Variants in DPP6 observed in about 807,000 individuals in gnomAD.
DPP6 encodes the protein dipeptidyl peptidase like 6.
DPP6 carries 69 observed loss-of-function variants against 122.6 expected under a neutral mutation model. That is an observed-to-expected ratio of 0.56 (90% CI 0.46 to 0.69). DPP6 has a LOEUF of 0.69. Ranked by LOEUF, DPP6 falls within the 30% of genes least tolerant of loss-of-function variation. The pLI is 0.00. For synonymous variants in DPP6, 418 were observed against 433.1 expected, an observed-to-expected ratio of 0.97 and a Z score of 0.43; for missense variants, 928 against 1,116.9, an observed-to-expected ratio of 0.83 and a Z score of 2.41.
At chr7:154,316,263 C>T (rs1807419166) in intron 1 of DPP6, among the ~76,000 whole-genome samples, 1 of 152,214 alleles carries the variant, frequency 6.6e-6, no homozygotes, top group African/African-American at 2.4e-5. Context: ...CATTTCTCTG[C>T]TACAGAAGCA....
At chr7:154,844,319 G>A (rs971303521) in intron 16 of DPP6, among the ~76,000 whole-genome samples, 1 of 152,184 alleles carries the variant, frequency 6.6e-6, no homozygotes, top group Non-Finnish European at 1.5e-5. Context: ...TTTCAGATAG[G>A]TTTAAAGTGT....
At chr7:154,056,803 T>A (rs1800859518) in intron 1 of DPP6, among the ~76,000 whole-genome samples, 1 of 152,256 alleles carries the variant, frequency 6.6e-6, no homozygotes, top group Non-Finnish European at 1.5e-5. Flanking sequence ...GTCCTTGGGA[T>A]CTATCAACTT....
chr7:154,140,084 T>G (rs938296000), intron 1 of DPP6, among the ~76,000 whole-genome samples: 1 of 152,236 alleles, frequency 6.6e-6, no homozygotes, highest in Non-Finnish European at 1.5e-5. Flanking sequence ...TCACTGGTCA[T>G]GATATCTTGG....
chr7:153,974,031 G>A (rs184226550), intron 1 of DPP6, among the ~76,000 whole-genome samples: 14 of 152,046 alleles, frequency 9.2e-5, no homozygotes, highest in Admixed American at 5.9e-4. Context: ...TGCTCAGAAG[G>A]GGGACTTACC....
intron 1 of DPP6, among the ~76,000 whole-genome samples, chr7:154,097,686 G>A (rs1200932320): frequency 6.6e-6 from 1 of 152,268 alleles, no homozygotes; most frequent in African/African-American, 2.4e-5. Flanking sequence ...TCTGGGAGCA[G>A]ACTGGCTGGT....
chr7:154,657,122 T>C (rs1236740379), intron 6 of DPP6, among the ~76,000 whole-genome samples: 8 of 118 alleles, frequency 0.068, no homozygotes, highest in Admixed American at 0.5. Flanking sequence ...GAGGAGGTGC[T>C]CATGGGTGGG....
At chr7:153,804,778 G>A in the DPP6 span, among the ~76,000 whole-genome samples, 1 of 152,002 alleles carries the variant, frequency 6.6e-6, no homozygotes, top group Admixed American at 6.6e-5. Context: ...CAGCTACTCG[G>A]GAGGCTGAGG....
chr7:154,544,153 T>TTATATA lies in DPP6; in HGVS notation c.552+3538_552+3543dup, dbSNP rs565185981. Among the ~76,000 whole-genome samples the TTATATA allele has an allele frequency of 2.1e-5, 3 of 145,944 alleles. No homozygotes were observed. In the East Asian group the frequency reaches 5.9e-4, roughly 29 times the overall value. On this transcript the variant is annotated intron_variant, in intron 4 of 25. Coordinates refer to ENST00000377770, the MANE Select transcript of DPP6 (RefSeq NM_130797.4). ...AATATATGTATTTTATATATATATT[T>TTATATA]TATATATATATATATAGTGGGCTAT...
At chr7:154,810,357 G>C (rs1175103666) in intron 16 of DPP6, among the ~76,000 whole-genome samples, 1 of 152,196 alleles carries the variant, frequency 6.6e-6, no homozygotes, top group Non-Finnish European at 1.5e-5. Flanking sequence ...GGAAGTTCCA[G>C]TTCCCACATG....
the DPP6 span, among the ~76,000 whole-genome samples, chr7:153,761,359 G>A: frequency 6.6e-6 from 1 of 152,196 alleles, no homozygotes; most frequent in Admixed American, 6.5e-5. Context: ...TAAATTTTAT[G>A]CTGAATATAT....
chr7:154,409,403 T>C (rs562598116), intron 1 of DPP6, among the ~76,000 whole-genome samples: 2 of 152,330 alleles, frequency 1.3e-5, no homozygotes, highest in South Asian at 2.1e-4. Flanking sequence ...CTTGGACTTC[T>C]AGTCCCTAGA....
chr7:154,397,424 C>T (rs192300919), intron 1 of DPP6, among the ~76,000 whole-genome samples: 17 of 152,100 alleles, frequency 1.1e-4, no homozygotes, highest in East Asian at 1.9e-4. Context: ...CCTTTAGAAA[C>T]GAGAGAGTAT....
At chr7:154,286,570 A>G (rs1804863707) in intron 1 of DPP6, among the ~76,000 whole-genome samples, 2 of 152,148 alleles carry the variant, frequency 1.3e-5, no homozygotes, top group Admixed American at 1.3e-4. Context: ...CTGAATTTTA[A>G]TGCAAAGCTT....
At chr7:154,017,708 TAAA>T in intron 1 of DPP6, among the ~76,000 whole-genome samples, 1 of 52,966 alleles carries the variant, frequency 1.9e-5, no homozygotes, top group East Asian at 4.4e-4. Context: ...CTAAAAAAAA[TAAA>T]AAAAAAATAA....
chr7:153,930,377 A>G (rs959612470), intron 1 of DPP6, among the ~76,000 whole-genome samples: 3 of 152,192 alleles, frequency 2.0e-5, no homozygotes, highest in Non-Finnish European at 2.9e-5. Flanking sequence ...TCTTCATGGA[A>G]GATGGTGTGA....
chr7:154,143,179 A>G (rs1417556455), intron 1 of DPP6, among the ~76,000 whole-genome samples: 3 of 151,992 alleles, frequency 2.0e-5, no homozygotes, highest in African/African-American at 7.3e-5. Context: ...CTGAAAGGAG[A>G]GAGAGGAAAA....
the DPP6 span, among the ~76,000 whole-genome samples, chr7:153,853,800 G>C: frequency 6.6e-6 from 1 of 151,920 alleles, no homozygotes; most frequent in African/African-American, 2.4e-5. Flanking sequence ...TAGGTTGCCT[G>C]TTCACTCTGA....
At chr7:154,652,407 T>G (rs1227571847) in intron 6 of DPP6, among the ~76,000 whole-genome samples, 3 of 316 alleles carry the variant, frequency 9.5e-3, no homozygotes, top group African/African-American at 0.025. Context: ...AGTCTGTGGT[T>G]TTTTTTTTTT....
rs1172023044 is a variant in DPP6 at position 154,061,598 on chromosome 7, C to A, written c.243+8535C>A. On this transcript the variant is annotated intron_variant, in intron 1 of 25. Coordinates refer to ENST00000377770, the MANE Select transcript of DPP6 (RefSeq NM_130797.4). Reference sequence around the variant, plus strand: ...AGATCCATCCCCTCTTCCCCCCTGGCTCTTGGGACTCCCATCACAGGGGGG... The same window carrying A: ...AGATCCATCCCCTCTTCCCCCCTGGATCTTGGGACTCCCATCACAGGGGGG... Among the ~76,000 whole-genome samples, 76 of 145,454 alleles carry A rather than the reference C, an allele frequency of 5.2e-4. 3 individuals carry two copies. The highest frequency in any genetic ancestry group is 8.7e-4 in the Non-Finnish European group (57 of 65,502).
Sources: allele counts gnomAD v4.1 joint callset (sites outside exome capture counted in the v4.1 genomes callset), GRCh38; gene constraint gnomAD v4.1.1; transcripts MANE v1.5; gene names NCBI Gene and HGNC (gene_info 2026-07-23, HGNC 2026-07-21).